The following NCAM2 variants were observed in gnomAD, a reference collection of about 807,000 sequenced individuals.
NCAM2 encodes the protein N-CAM-2.
A neutral mutation model predicts 98.1 loss-of-function variants in NCAM2; 30 were observed. The observed-to-expected ratio is 0.31, with a 90% confidence interval of 0.23 to 0.41. NCAM2 has a LOEUF of 0.41. NCAM2 is among the 10% of genes least tolerant of loss of function. NCAM2 has a pLI of 1.00. For synonymous variants in NCAM2, 368 were observed against 342.4 expected, an observed-to-expected ratio of 1.07 and a Z score of -0.83; for missense variants, 867 against 1,005.8, an observed-to-expected ratio of 0.86 and a Z score of 1.87.
intron 1 of NCAM2, among the ~76,000 whole-genome samples, chr21:21,112,906 A>G (rs1417608885): frequency 1.3e-5 from 2 of 152,194 alleles, no homozygotes; most frequent in Non-Finnish European, 2.9e-5. Flanking sequence ...TAGGATTGGT[A>G]AGAATGGGAT....
At chr21:21,036,173 T>G (rs1423693007) in intron 1 of NCAM2, among the ~76,000 whole-genome samples, 2 of 152,196 alleles carry the variant, frequency 1.3e-5, no homozygotes, top group East Asian at 3.9e-4. Flanking sequence ...TTTAAAGCAC[T>G]TGATCAAAAT....
intron 9 of NCAM2, among the ~76,000 whole-genome samples, chr21:21,386,753 A>T (rs1405649763): frequency 1.4e-5 from 2 of 147,424 alleles, no homozygotes; most frequent in Non-Finnish European, 3.0e-5. Context: ...TGTATTTCAG[A>T]GATAATGGTA....
At position 21,534,531 on chromosome 21, in the gene NCAM2, T is replaced by C; in HGVS notation, c.2283-6T>C. The C allele has an allele frequency of 1.3e-6, 2 of 1,579,944 alleles. No homozygotes were observed. The highest frequency in any genetic ancestry group is 1.7e-4 in the Middle Eastern group (1 of 5,918). On this transcript the variant is annotated splice_region_variant and splice_polypyrimidine_tract_variant and intron_variant, in intron 16 of 17. Coordinates refer to ENST00000400546, the MANE Select transcript of NCAM2 (RefSeq NM_004540.5). ...ACAGGTGAGATGTTTCTCTTTATGT[T>C]TCTAGGAAAGATGGATCAAAAGAAC... is the stretch of plus-strand genomic sequence containing the variant.
At chr21:21,485,114 A>G (rs957875722) in intron 15 of NCAM2, among the ~76,000 whole-genome samples, 3 of 152,112 alleles carry the variant, frequency 2.0e-5, no homozygotes, top group African/African-American at 7.2e-5. Flanking sequence ...ATTTTATTAG[A>G]TGTGTATCCC....
intron 9 of NCAM2, among the ~76,000 whole-genome samples, chr21:21,374,731 T>C (rs2075993577): frequency 6.6e-6 from 1 of 151,822 alleles, no homozygotes; most frequent in African/African-American, 2.4e-5. Context: ...TTGGAGAGTC[T>C]CTGATGCTTG....
chr21:21,525,185 C>A lies in NCAM2; in HGVS notation c.2283-9352C>A, dbSNP rs192126220. Among the ~76,000 whole-genome samples, 723 of 151,894 alleles carry A rather than the reference C, an allele frequency of 4.8e-3. 4 individuals carry two copies. The highest frequency in any genetic ancestry group is 0.017 in the African/African-American group (692 of 41,480). ...TAGAAGAAGTAAATGCATTTCAAAA[C>A]AAAATCAATAGAGAAAATTAAAACT... On this transcript the variant is annotated intron_variant, in intron 16 of 17. Transcript: ENST00000400546.
At chr21:21,319,583 G>A (rs1004845248) in intron 5 of NCAM2, among the ~76,000 whole-genome samples, 3 of 152,304 alleles carry the variant, frequency 2.0e-5, no homozygotes, top group Admixed American at 2.0e-4. Context: ...AGAGGTTGCA[G>A]TGAGCTGAGA....
At chr21:21,378,913 G>A (rs529241700) in intron 9 of NCAM2, among the ~76,000 whole-genome samples, 191 of 152,008 alleles carry the variant, frequency 1.3e-3, no homozygotes, top group Non-Finnish European at 2.0e-3. Context: ...TTTTGCTGTC[G>A]TCTAGTTTAT....
intron 8 of NCAM2, among the ~76,000 whole-genome samples, chr21:21,359,427 A>G (rs570568043): frequency 6.6e-6 from 1 of 152,100 alleles, no homozygotes; most frequent in East Asian, 1.9e-4. Flanking sequence ...GTCTAGTCAT[A>G]TGTTGAAAAT....
rs866103088 is a variant in NCAM2 at position 21,068,520 on chromosome 21, C to T, written c.55+69902C>T. On this transcript the variant is annotated intron_variant, in intron 1 of 17. Coordinates refer to ENST00000400546, the MANE Select transcript of NCAM2 (RefSeq NM_004540.5). ...TGTAGCCCAGGCTGGAGTGCAGTGGCGCAATCTCGGCTCACTGCAACCTCC... is the reference window on the plus strand; with the variant it reads ...TGTAGCCCAGGCTGGAGTGCAGTGGTGCAATCTCGGCTCACTGCAACCTCC... Among the ~76,000 whole-genome samples the T allele has an allele frequency of 7.7e-5, 11 of 143,332 alleles. No individual in the cohort carries two copies. The East Asian group carries it at 8.4e-4, about 11-fold the overall frequency. 94.0% of individuals were successfully genotyped at this position (143,332 alleles called of 152,430 possible). A position where few individuals can be genotyped will look rare whatever the true frequency, so the allele number is the denominator to read the frequency against.
intron 15 of NCAM2, among the ~76,000 whole-genome samples, chr21:21,491,916 T>C (rs1284399596): frequency 6.6e-6 from 1 of 151,620 alleles, no homozygotes; most frequent in African/African-American, 2.4e-5. Flanking sequence ...AGAACAGTTA[T>C]TTCTTTTTAT....
At chr21:21,218,518 G>A (rs965715025) in intron 1 of NCAM2, among the ~76,000 whole-genome samples, 1 of 152,102 alleles carries the variant, frequency 6.6e-6, no homozygotes, top group African/African-American at 2.4e-5. Context: ...AGTGTTAATC[G>A]GCTGGTCTTA....
At position 21,466,410 on chromosome 21, in the gene NCAM2, T is replaced by G. The variant is rs1983683781; in HGVS notation, c.1655-196T>G. Among the ~76,000 whole-genome samples the G allele has an allele frequency of 2.6e-5, 4 of 151,938 alleles. No homozygotes were observed. In the South Asian group the frequency reaches 8.3e-4, roughly 31 times the overall value. On this transcript the variant is annotated intron_variant, in intron 12 of 17. Coordinates refer to ENST00000400546, the MANE Select transcript of NCAM2 (RefSeq NM_004540.5). The stretch of plus-strand genomic sequence containing the variant: ...GTGGCTTGGAAAGCTAAAATAGAGG[T>G]GAAGAAGAGAACTATTCACAAATCA...
At chr21:21,431,784 T>A (rs1280748541) in intron 11 of NCAM2, among the ~76,000 whole-genome samples, 1 of 152,134 alleles carries the variant, frequency 6.6e-6, no homozygotes, top group African/African-American at 2.4e-5. Context: ...TTTTTTTTCT[T>A]AAACACACAC....
intron 1 of NCAM2, among the ~76,000 whole-genome samples, chr21:21,013,317 G>C (rs1173362322): frequency 1.3e-5 from 2 of 152,158 alleles, no homozygotes; most frequent in Non-Finnish European, 2.9e-5. Context: ...TGCTTATATG[G>C]AGAAAGTTTT....
At chr21:21,357,789 TA>T (rs1466852353) in intron 8 of NCAM2, among the ~76,000 whole-genome samples, 1 of 151,372 alleles carries the variant, frequency 6.6e-6, no homozygotes, top group Non-Finnish European at 1.5e-5. Context: ...CTAAGACAAA[TA>T]AAAAAACAAA....
intron 15 of NCAM2, among the ~76,000 whole-genome samples, chr21:21,507,689 C>G (rs2146351134): frequency 6.7e-6 from 1 of 149,916 alleles, no homozygotes; most frequent in Non-Finnish European, 1.5e-5. Context: ...ACTCGGGAGG[C>G]TGAGGCATGA....
chr21:21,438,015 T>A (rs1388380803), intron 12 of NCAM2, among the ~76,000 whole-genome samples: 1 of 152,176 alleles, frequency 6.6e-6, no homozygotes, highest in African/African-American at 2.4e-5. Context: ...AAGAATTCTA[T>A]GTAAGCACAA....
chr21:21,316,060 T>C (rs1432493910), intron 5 of NCAM2, among the ~76,000 whole-genome samples: 1 of 152,214 alleles, frequency 6.6e-6, no homozygotes. Context: ...AATTGATCAC[T>C]TCAGTGTGAC....
Sources: gnomAD v4.1 joint callset for allele counts (sites outside exome capture counted in the v4.1 genomes callset) on GRCh38, gnomAD v4.1.1 for gene constraint, MANE v1.5 for transcripts, NCBI Gene and HGNC (gene_info 2026-07-23, HGNC 2026-07-21) for gene names.